RSL1D1: variants seen among roughly 807,000 people sequenced by gnomAD.
The protein encoded by RSL1D1 is ribosomal L1 domain containing 1.
RSL1D1 carries 34 observed loss-of-function variants against 44.6 expected under a neutral mutation model. The observed-to-expected ratio is 0.76, with a 90% confidence interval of 0.58 to 1.02. RSL1D1 has a LOEUF of 1.02. Ranked by LOEUF, RSL1D1 falls within the 50% of genes least tolerant of loss-of-function variation. RSL1D1 has a pLI of 0.00. For synonymous variants in RSL1D1, 271 were observed against 207.4 expected (o/e 1.31, Z -2.63); for missense variants, 767 against 568.1 (o/e 1.35, Z -3.56).
At chr16:11,850,537 T>C (rs374827272) in intron 1 of RSL1D1, 119 bp from the exon 2 acceptor site, 1 of 972,654 alleles carries the variant, frequency 1.0e-6, no homozygotes. Context: ...ATTTTTTCCC[T>C]TCCAACTTCT....
chr16:11,842,101 T>C (rs1436532115), intron 5 of RSL1D1, 101 bp from the exon 6 acceptor site: 3 of 845,456 alleles, frequency 3.5e-6, no homozygotes, highest in Admixed American at 3.1e-5. Context: ...CTCAAGTTTT[T>C]CTTTTTCTTT....
At position 11,846,816 on chromosome 16, in the gene RSL1D1, C is replaced by A. The variant is rs2053802140; in HGVS notation, c.412G>T (p.Glu138Ter). 1 of 1,611,478 alleles carries A rather than the reference C, an allele frequency of 6.2e-7. No homozygotes were observed. The highest frequency in any genetic ancestry group is 2.2e-5 in the East Asian group (1 of 44,880). The change falls in exon 4 of 9, where the codon GAA becomes TAA. Residue 138 changes from glutamate (E) to a stop codon, truncating the protein, a stop_gained. Coordinates refer to ENST00000571133, the MANE Select transcript of RSL1D1 (RefSeq NM_015659.3). LOFTEE classifies it high-confidence loss of function. ...QIISLQTLKK[E>*]YKSYEAKLRL... is the part of the protein sequence containing the mutation. ...AGCTTGGCTTCATAGGATTTATATT[C>A]CTTCTTTAGAGTTTGGAGGGAGATA...
chr16:11,844,875 T>C (rs971222429), intron 5 of RSL1D1, among the ~76,000 whole-genome samples: 3 of 152,152 alleles, frequency 2.0e-5, no homozygotes, highest in Non-Finnish European at 2.9e-5. Context: ...ACACTGCCAA[T>C]AATACAAACT....
Position 11,837,555 on chromosome 16 carries a change from T to C in RSL1D1, c.*232A>G. The C allele has an allele frequency of 2.4e-6, 1 of 421,402 alleles. No individual in the cohort carries two copies. The highest frequency in any genetic ancestry group is 4.2e-6 in the Non-Finnish European group (1 of 235,530). The allele number at this position is 421,402 out of a possible 1,614,324, so 26.1% of individuals were successfully genotyped here. On this transcript the variant is annotated 3_prime_UTR_variant, in exon 9 of 9. Transcript: ENST00000571133. ...TGGTACAGACAGGGTTTCACCATGT[T>C]GGCCAGGATGGTCTCGATCTCGTTG...
chr16:11,850,263 G>A lies in RSL1D1; in HGVS notation c.245+16C>T, dbSNP rs770414024. On this transcript the variant is annotated intron_variant, in intron 2 of 8. Transcript: ENST00000571133. ...CACACAGATAAAAACAGCAAAGGTA[G>A]AAAATCACAACTTACAATCTGACCC... 2 of 1,560,488 alleles carry A rather than the reference G, an allele frequency of 1.3e-6. No homozygotes were observed. The highest frequency in any genetic ancestry group is 2.3e-5 in the East Asian group (1 of 43,028).
chr16:11,844,447 C>G (rs1232748748), intron 5 of RSL1D1, among the ~76,000 whole-genome samples: 1 of 152,188 alleles, frequency 6.6e-6, no homozygotes, highest in African/African-American at 2.4e-5. Context: ...TAGCCAACCA[C>G]TTCCATGAGC....
intron 5 of RSL1D1, among the ~76,000 whole-genome samples, chr16:11,843,561 C>A (rs1343321156): frequency 2.0e-5 from 3 of 151,810 alleles, no homozygotes; most frequent in African/African-American, 7.3e-5. Context: ...TACCCAGCCG[C>A]CATGTTCAAG....
intron 2 of RSL1D1, 64 bp from the exon 3 acceptor site, chr16:11,847,870 A>T: frequency 1.3e-6 from 2 of 1,485,100 alleles, no homozygotes; most frequent in Non-Finnish European, 1.9e-6. Flanking sequence ...TGTTTGTATC[A>T]CACAGAATAC....
chr16:11,836,147 ATC>A lies in RSL1D1; in HGVS notation c.*1638_*1639del, dbSNP rs933152860. 6 of 152,164 alleles carry A rather than the reference ATC, an allele frequency of 3.9e-5. No homozygotes were observed. The highest frequency in any genetic ancestry group is 4.8e-5 in the African/African-American group (2 of 41,446). The allele number at this position is 152,164 out of a possible 1,614,324, so 9.4% of individuals were successfully genotyped here. A position where few individuals can be genotyped will look rare whatever the true frequency, so the allele number is the denominator to read the frequency against. On this transcript the variant is annotated 3_prime_UTR_variant, in exon 9 of 9. Coordinates refer to ENST00000571133, the MANE Select transcript of RSL1D1 (RefSeq NM_015659.3). Reference sequence around the variant, plus strand: ...CCCTTCTGACCTTCACATTCTCACCATCTGTTTCTTTGTTGGATTACCAATAA... The same window carrying A: ...CCCTTCTGACCTTCACATTCTCACCATGTTTCTTTGTTGGATTACCAATAA...
intron 8 of RSL1D1, among the ~76,000 whole-genome samples, chr16:11,838,664 C>T (rs1278783515): frequency 6.6e-6 from 1 of 151,224 alleles, no homozygotes; most frequent in African/African-American, 2.4e-5. Context: ...CAAGAGTAGC[C>T]TGGCCAACAT....
intron 4 of RSL1D1, 33 bp downstream of exon 4, chr16:11,846,662 C>T (rs1490198330): frequency 2.5e-6 from 4 of 1,612,340 alleles, no homozygotes; most frequent in Non-Finnish European, 3.4e-6. Context: ...AAGCTTCATG[C>T]TGCTAAAGTC....
Position 11,841,894 on chromosome 16 carries a change from T to G in RSL1D1, c.729+13A>C. On this transcript the variant is annotated intron_variant, in intron 6 of 8. Coordinates refer to ENST00000571133, the MANE Select transcript of RSL1D1 (RefSeq NM_015659.3). ...TAAATGAACAATCAATTGATGCACC[T>G]GTAATACTGTACCTCTGGCAATTTT... The G allele has an allele frequency of 6.2e-7, 1 of 1,612,628 alleles. No individual in the cohort carries two copies. The highest frequency in any genetic ancestry group is 8.5e-7 in the Non-Finnish European group (1 of 1,179,068).
rs1165209688 is a variant in RSL1D1, at chr16:11,841,944, A to G, written c.692T>C (p.Val231Ala). The G allele has an allele frequency of 2.5e-6, 4 of 1,613,974 alleles. No individual in the cohort carries two copies. Among genetic ancestry groups the G allele is most frequent in the Non-Finnish European group, 3.4e-6 (4 of 1,180,004 alleles). ...MQIEHIIENI[V>A]AVTKGLSEKL... ...TTCTGAAAGTCCTTTGGTGACAGCA[A>G]CAATGTTTTCAATGATGTGCTCAAT... Residue 231 changes from valine (V) to alanine (A), a missense_variant, in exon 6 of 9, where the codon GTT becomes GCT. Coordinates refer to ENST00000571133, the MANE Select transcript of RSL1D1 (RefSeq NM_015659.3).
At chr16:11,850,573 G>C (rs886669968) in intron 1 of RSL1D1, among the ~76,000 whole-genome samples, 155 bp from the exon 2 acceptor site, 6 of 151,784 alleles carry the variant, frequency 4.0e-5, no homozygotes, top group African/African-American at 1.5e-4. Context: ...CTCCATAACC[G>C]TATCTATTAG....
rs35833714 is a variant in RSL1D1 at position 11,843,871 on chromosome 16, CA to C, written c.636-1872del. On this transcript the variant is annotated intron_variant, in intron 5 of 8. Coordinates refer to ENST00000571133, the MANE Select transcript of RSL1D1 (RefSeq NM_015659.3). ...GGGCGACAGAGCAAGAACTCTGTCTCAAAAAAAAAAAAAAAAAAAAAAAAGA... is the reference window on the plus strand; with the variant it reads ...GGGCGACAGAGCAAGAACTCTGTCTCAAAAAAAAAAAAAAAAAAAAAAAGA... 2.0e-3 allele frequency among the ~76,000 whole-genome samples: 108 copies of C among 53,534 alleles called. 1 individual carries two copies. The highest frequency in any genetic ancestry group is 6.3e-3 in the African/African-American group (98 of 15,600). The allele number at this position is 53,534 out of a possible 152,430, so 35.1% of individuals were successfully genotyped here. A position where few individuals can be genotyped will look rare whatever the true frequency, so the allele number is the denominator to read the frequency against.
chr16:11,839,381 C>CAAA (rs35893843), intron 8 of RSL1D1, among the ~76,000 whole-genome samples: 1 of 116,618 alleles, frequency 8.6e-6, no homozygotes, highest in African/African-American at 3.1e-5. Context: ...AAAAGCAAAG[C>CAAA]AAAAAAAAAA....
At chr16:11,851,272 G>T in intron 1 of RSL1D1, 136 bp downstream of exon 1, 1 of 810,448 alleles carries the variant, frequency 1.2e-6, no homozygotes. Context: ...AGAGACAGCT[G>T]AGGCACACGG....
intron 5 of RSL1D1, among the ~76,000 whole-genome samples, chr16:11,843,587 G>A (rs1167556539): frequency 6.6e-6 from 1 of 151,944 alleles, no homozygotes; most frequent in Non-Finnish European, 1.5e-5. Flanking sequence ...ATAGTTCTGT[G>A]GCTGGGCGTG....
intron 3 of RSL1D1, 94 bp from the exon 4 acceptor site, chr16:11,846,937 T>C (rs2053803239): frequency 1.8e-6 from 2 of 1,128,664 alleles, no homozygotes; most frequent in African/African-American, 1.5e-5. Context: ...GATTTAAAAA[T>C]GTCCTAGAGC....
Sources: gnomAD v4.1 joint callset for allele counts (sites outside exome capture counted in the v4.1 genomes callset) on GRCh38, gnomAD v4.1.1 for gene constraint, MANE v1.5 for transcripts, NCBI Gene and HGNC (gene_info 2026-07-23, HGNC 2026-07-21) for gene names.